SH3PXD2B: variants seen among roughly 807,000 people sequenced by gnomAD.
SH3PXD2B encodes the protein SH3 and PX domains 2B.
SH3PXD2B carries 37 observed loss-of-function variants against 73.1 expected under a neutral mutation model. The observed-to-expected ratio is 0.51, with a 90% confidence interval of 0.39 to 0.67. The LOEUF is 0.67. Ranked by LOEUF, SH3PXD2B falls within the 30% of genes least tolerant of loss-of-function variation. SH3PXD2B has a pLI of 0.00. For missense variants in SH3PXD2B, 1,053 were observed against 1,197.8 expected (o/e 0.88, Z 1.78); for synonymous variants, 457 against 480.5 (o/e 0.95, Z 0.64).
In SH3PXD2B at chr5:172,338,812, G is replaced by C. The variant is rs765174539; in HGVS notation, c.2293C>G (p.Pro765Ala). 1.2e-6 allele frequency: 2 copies of C among 1,614,056 alleles called. No individual in the cohort carries two copies. Among genetic ancestry groups the C allele is most frequent in the South Asian group, 2.2e-5 (2 of 91,086 alleles). ...CTGGATGACGAAGAGGTTTTCTTTG[G>C]GGGAGGTGGTCTGCGGGGTGGGACC... ...PVVPPRRPPP[P>A]KKTSSSSRPL... Residue 765 changes from proline (P) to alanine (A), a missense_variant, in exon 13 of 13, where the codon CCA becomes GCA. Pro to Ala is a conservative substitution (Grantham distance 27). Coordinates refer to ENST00000311601, the MANE Select transcript of SH3PXD2B (RefSeq NM_001017995.3). This position sits in a 1 kb window ranked among gnomAD's most constrained non-coding sequence, Gnocchi z 5.1.
intron 3 of SH3PXD2B, among the ~76,000 whole-genome samples, chr5:172,405,939 C>G (rs1289769316): frequency 2.0e-5 from 3 of 152,166 alleles, no homozygotes; most frequent in Admixed American, 6.5e-5. Flanking sequence ...AGTCATTCAT[C>G]AGCTAGTAAA....
rs529558003 is a variant in SH3PXD2B at position 172,354,340 on chromosome 5, C to G, written c.668-335G>C. Among the ~76,000 whole-genome samples the G allele has an allele frequency of 4.6e-5, 7 of 152,342 alleles. No homozygotes were observed. In the East Asian group the frequency reaches 1.2e-3, roughly 25 times the overall value. On this transcript the variant is annotated intron_variant, in intron 8 of 12. Coordinates refer to ENST00000311601, the MANE Select transcript of SH3PXD2B (RefSeq NM_001017995.3). ...CCTTATCCCGGTTTATTGCCCCCCA[C>G]CCATACTAGGAATTACCTTGTAACA...
intron 3 of SH3PXD2B, 69 bp downstream of exon 3, chr5:172,406,208 G>C: frequency 6.6e-7 from 1 of 1,518,622 alleles, no homozygotes; most frequent in Non-Finnish European, 9.1e-7. Flanking sequence ...CTGATAAACT[G>C]TCCCAAGGGC....
intron 2 of SH3PXD2B, among the ~76,000 whole-genome samples, chr5:172,414,739 T>C (rs1005274691): frequency 1.3e-5 from 2 of 152,176 alleles, no homozygotes; most frequent in East Asian, 1.9e-4. Context: ...GTAGGGAGTG[T>C]TCCTTCTTAC....
chr5:172,429,328 G>A (rs1005923376), intron 1 of SH3PXD2B, among the ~76,000 whole-genome samples: 2 of 75,400 alleles, frequency 2.7e-5, no homozygotes, highest in African/African-American at 1.3e-4. Context: ...CCGCCCCTTG[G>A]GAGCAACATG....
chr5:172,410,617 G>A (rs1265227544), intron 2 of SH3PXD2B, among the ~76,000 whole-genome samples: 2 of 152,022 alleles, frequency 1.3e-5, no homozygotes, highest in African/African-American at 4.8e-5. Flanking sequence ...AAAGTTTACT[G>A]ATTAAAAAAA....
At chr5:172,400,367 A>G (rs1758397866) in intron 3 of SH3PXD2B, among the ~76,000 whole-genome samples, 1 of 152,186 alleles carries the variant, frequency 6.6e-6, no homozygotes. Flanking sequence ...CCTCTGGCAG[A>G]AGGGAATGCC....
At chr5:172,418,083 G>C (rs1378104511) in intron 2 of SH3PXD2B, among the ~76,000 whole-genome samples, 1 of 152,216 alleles carries the variant, frequency 6.6e-6, no homozygotes, top group Non-Finnish European at 1.5e-5. Context: ...CAGAAAAGCA[G>C]AGCAGCTAAA....
chr5:172,361,885 C>T (rs1220858134), intron 7 of SH3PXD2B, among the ~76,000 whole-genome samples: 1 of 152,188 alleles, frequency 6.6e-6, no homozygotes, highest in Non-Finnish European at 1.5e-5. Flanking sequence ...CCTCAACTCG[C>T]CATTGGGCTG....
At chr5:172,453,445 C>T (rs1759848688) in intron 1 of SH3PXD2B, among the ~76,000 whole-genome samples, 1 of 152,108 alleles carries the variant, frequency 6.6e-6, no homozygotes, top group South Asian at 2.1e-4. Context: ...AGACGTGTCC[C>T]CTAGGTTGCT....
intron 11 of SH3PXD2B, among the ~76,000 whole-genome samples, chr5:172,346,949 A>G (rs776230848): frequency 6.6e-6 from 1 of 152,218 alleles, no homozygotes; most frequent in Non-Finnish European, 1.5e-5. Context: ...ATGGGACCAC[A>G]GATGATATTT....
chr5:172,439,692 G>GCACACACACACGCGCACACACACA (rs1759504986), intron 1 of SH3PXD2B, among the ~76,000 whole-genome samples: 1 of 138,542 alleles, frequency 7.2e-6, no homozygotes, highest in South Asian at 2.5e-4. Flanking sequence ...GCACGCGCGC[G>GCACACACACACGCGCACACACACA]CACACACACA....
intron 3 of SH3PXD2B, among the ~76,000 whole-genome samples, chr5:172,397,818 T>C (rs1210947671): frequency 3.9e-5 from 6 of 152,194 alleles, no homozygotes; most frequent in African/African-American, 1.4e-4. Flanking sequence ...AGTCAGCATA[T>C]GATGGAAAAC....
intron 8 of SH3PXD2B, among the ~76,000 whole-genome samples, chr5:172,355,702 G>A (rs1334848391): frequency 6.6e-6 from 1 of 152,012 alleles, no homozygotes; most frequent in Non-Finnish European, 1.5e-5. Flanking sequence ...CCGCCACCAC[G>A]CCCGGCTAAT....
At chr5:172,360,726 G>A (rs1388050935) in intron 7 of SH3PXD2B, among the ~76,000 whole-genome samples, 1 of 152,192 alleles carries the variant, frequency 6.6e-6, no homozygotes, top group Non-Finnish European at 1.5e-5. Flanking sequence ...CAGCTGCTTG[G>A]GAGGCTGAGA....
At position 172,441,616 on chromosome 5, in the gene SH3PXD2B, G is replaced by A. The variant is rs75406826; in HGVS notation, c.75+12662C>T. On this transcript the variant is annotated intron_variant, in intron 1 of 12. Transcript: ENST00000311601. ...AGGATTGGTCCACTGGGGCCTCAAC[G>A]TCAAAGCTGGGTACCCTGGTGAGGT... Among the ~76,000 whole-genome samples the A allele has an allele frequency of 5.6e-3, 853 of 152,306 alleles. 11 individuals carry two copies. The highest frequency in any genetic ancestry group is 0.02 in the African/African-American group (815 of 41,572).
chr5:172,386,637 T>C (rs2113382304), intron 4 of SH3PXD2B, among the ~76,000 whole-genome samples: 1 of 152,310 alleles, frequency 6.6e-6, no homozygotes, highest in South Asian at 2.1e-4. Context: ...TTTTGTTTGT[T>C]TGCTTGTTTT....
intron 3 of SH3PXD2B, among the ~76,000 whole-genome samples, chr5:172,399,534 C>T (rs1038655774): frequency 5.9e-5 from 9 of 152,186 alleles, no homozygotes; most frequent in East Asian, 1.9e-4. Flanking sequence ...TGCCCTCAGA[C>T]GTGGTGAGAT....
At chr5:172,399,738 A>G (rs1188063927) in intron 3 of SH3PXD2B, among the ~76,000 whole-genome samples, 1 of 152,126 alleles carries the variant, frequency 6.6e-6, no homozygotes, top group Non-Finnish European at 1.5e-5. Flanking sequence ...TTCCTCCTTC[A>G]GCACTCAATC....
Sources: gnomAD v4.1 joint callset for allele counts (sites outside exome capture counted in the v4.1 genomes callset) on GRCh38, gnomAD v4.1.1 for gene constraint, Gnocchi (gnomAD v3.1) non-coding constraint, MANE v1.5 for transcripts, NCBI Gene and HGNC (gene_info 2026-07-23, HGNC 2026-07-21) for gene names.